The following FKBP15 variants were observed in gnomAD, a reference collection of about 807,000 sequenced individuals.
The protein encoded by FKBP15 is FK506-binding protein 15.
Under a neutral mutation model 158.1 loss-of-function variants are expected in FKBP15, and 106 were observed. The ratio of observed to expected loss-of-function variants is 0.67; its 90% CI spans 0.57 to 0.79. The LOEUF is 0.79. Among genes scored for constraint, FKBP15 ranks in the 30% least tolerant of loss-of-function variants. The probability of loss-of-function intolerance (pLI) is 0.00; values close to 1 mark genes in which losing one functional copy is unlikely to be tolerated. For synonymous variants in FKBP15, 547 were observed against 548.6 expected (o/e 1.00, Z 0.04); for missense variants, 1,287 against 1,479.1 (o/e 0.87, Z 2.13).
chr9:113,184,323 A>C lies in FKBP15; in HGVS notation c.1685T>G (p.Met562Arg), dbSNP rs1830449585. The change falls in exon 17 of 28, where the codon ATG becomes AGG. Residue 562 changes from methionine (M) to arginine (R), a missense_variant. Transcript: ENST00000238256. The surrounding 1 kb of genome is among the most constrained non-coding windows in gnomAD (Gnocchi z 4.5). ...PSMSVTMETS[M>R]IMSNIQRIIQ... ...GATTCGCTGGATGTTGCTCATAATC[A>C]TGCTTGTTTCCATTGTAACTGACAT... The C allele has an allele frequency of 6.2e-7, 1 of 1,604,512 alleles. No homozygotes were observed. The highest frequency in any genetic ancestry group is 8.5e-7 in the Non-Finnish European group (1 of 1,175,120).
intron 13 of FKBP15, among the ~76,000 whole-genome samples, 173 bp from the exon 14 acceptor site, chr9:113,188,072 C>T (rs1453272496): frequency 1.3e-5 from 2 of 152,164 alleles, no homozygotes; most frequent in Non-Finnish European, 2.9e-5. Context: ...AAACTGGGTG[C>T]TCTCATGTGC....
chr9:113,184,763 G>T lies in FKBP15; in HGVS notation c.1540C>A (p.Gln514Lys). Residue 514 changes from glutamine (Q) to lysine (K), a missense_variant, in exon 16 of 28, where the codon CAA (glutamine) becomes AAA (lysine). By Grantham distance (53) the Gln-to-Lys change is moderately conservative (BLOSUM62 1). Coordinates refer to ENST00000238256, the MANE Select transcript of FKBP15 (RefSeq NM_015258.2). The surrounding 1 kb of genome is among the most constrained non-coding windows in gnomAD (Gnocchi z 4.5). ...GCCATTCGAATTTCAGTGTTATGTT[G>T]CCGGGCTTCAGTCATGAGAAATGAA... Reference protein sequence around the residue: ...MASFLMTEARQHNTEIRMAVS... With the variant: ...MASFLMTEARKHNTEIRMAVS... 2 of 1,607,044 alleles carry T rather than the reference G, an allele frequency of 1.2e-6. No individual in the cohort carries two copies. The highest frequency in any genetic ancestry group is 1.7e-6 in the Non-Finnish European group (2 of 1,176,588).
At chr9:113,216,128 G>GAAA (rs11330296) in intron 1 of FKBP15, among the ~76,000 whole-genome samples, 1 of 125,652 alleles carries the variant, frequency 8.0e-6, no homozygotes, top group Non-Finnish European at 1.7e-5. Context: ...AAAGCAAACC[G>GAAA]AAAAAAAAAA....
intron 1 of FKBP15, among the ~76,000 whole-genome samples, chr9:113,218,772 C>T (rs895916152): frequency 6.6e-6 from 1 of 152,118 alleles, no homozygotes; most frequent in African/African-American, 2.4e-5. Flanking sequence ...GATAATCTGT[C>T]CAAAGTCACA....
At chr9:113,194,856 T>G (rs1033595004) in intron 9 of FKBP15, among the ~76,000 whole-genome samples, 2 of 152,198 alleles carry the variant, frequency 1.3e-5, no homozygotes, top group Non-Finnish European at 2.9e-5. Flanking sequence ...AAGTCATAAA[T>G]ATCTATGCTA....
chr9:113,221,090 C>T (rs1831243761), intron 1 of FKBP15, 101 bp downstream of exon 1: 12 of 1,309,264 alleles, frequency 9.2e-6, no homozygotes, highest in Non-Finnish European at 1.1e-5. Context: ...GGGTCTCCCC[C>T]CGGAAGTTGG....
At chr9:113,209,006 C>CAAAAAAA (rs5900044) in intron 2 of FKBP15, among the ~76,000 whole-genome samples, 1 of 98,720 alleles carries the variant, frequency 1.0e-5, no homozygotes. Flanking sequence ...GACTCCATCT[C>CAAAAAAA]AAAAAAAAAA....
chr9:113,194,593 A>T (rs962628696), intron 9 of FKBP15, among the ~76,000 whole-genome samples: 1 of 152,158 alleles, frequency 6.6e-6, no homozygotes, highest in Non-Finnish European at 1.5e-5. Flanking sequence ...TCAGCCAAAA[A>T]GACAAAGGTA....
chr9:113,161,166 T>G lies in FKBP15; in HGVS notation c.*4912A>C. 4.5e-6 allele frequency: 1 copy of G among 220,158 alleles called. No individual in the cohort carries two copies. The highest frequency in any genetic ancestry group is 8.8e-6 in the Non-Finnish European group (1 of 114,060). The allele number at this position is 220,158 out of a possible 1,614,324, so 13.6% of individuals were successfully genotyped here. On this transcript the variant is annotated 3_prime_UTR_variant, in exon 28 of 28. Coordinates refer to ENST00000238256, the MANE Select transcript of FKBP15 (RefSeq NM_015258.2). Reference sequence around the variant, plus strand: ...CTATTTATCTTTCCTTCCAGACATTTTTTGCATACTTACATATAAATAGGA... The same window carrying G: ...CTATTTATCTTTCCTTCCAGACATTGTTTGCATACTTACATATAAATAGGA...
Position 113,187,583 on chromosome 9 carries a change from T to C in FKBP15, c.1383+210A>G. The C allele has an allele frequency of 7.1e-6, 4 of 561,794 alleles. No homozygotes were observed. In the South Asian group the frequency reaches 8.5e-5, roughly 12 times the overall value. 34.8% of individuals were successfully genotyped at this position (561,794 alleles called of 1,614,324 possible). A position where few individuals can be genotyped will look rare whatever the true frequency, so the allele number is the denominator to read the frequency against. On this transcript the variant is annotated intron_variant, in intron 14 of 27. Coordinates refer to ENST00000238256, the MANE Select transcript of FKBP15 (RefSeq NM_015258.2). ...ACTACGTTGTACTAGGGGCTCTACT[T>C]GTTCTTGCATTTAATCTTTATGACA...
chr9:113,190,703 A>G (rs1393688591), intron 11 of FKBP15, 125 bp from the exon 12 acceptor site: 4 of 675,196 alleles, frequency 5.9e-6, no homozygotes, highest in Non-Finnish European at 7.7e-6. Context: ...ATTTAAAAAC[A>G]TTTCCTCTAG....
chr9:113,220,026 G>A (rs776027598), intron 1 of FKBP15, among the ~76,000 whole-genome samples: 2 of 152,180 alleles, frequency 1.3e-5, no homozygotes, highest in Non-Finnish European at 1.5e-5. Flanking sequence ...AAGAAGGCCA[G>A]TGTCATTTTA....
In FKBP15 at chr9:113,194,055, G is replaced by T. The variant is rs1216510438; in HGVS notation, c.979C>A (p.Pro327Thr). The change falls in exon 10 of 28, where the codon CCA (proline) becomes ACA (threonine). Residue 327 changes from proline to threonine, a missense_variant. By Grantham distance (38) the Pro-to-Thr change is conservative. Coordinates refer to ENST00000238256, the MANE Select transcript of FKBP15 (RefSeq NM_015258.2). ...DNLSADPVVS[P>T]PTSIPFKSGE... ...GATTTGAAAGGTATTGATGTGGGTG[G>T]TGACACAACAGGATCAGCAGAGAGG... 1 of 1,612,906 alleles carries T rather than the reference G, an allele frequency of 6.2e-7. No homozygotes were observed. Among genetic ancestry groups the T allele is most frequent in the East Asian group, 2.2e-5 (1 of 44,872 alleles).
chr9:113,209,345 GGTT>G (rs1830957004), intron 2 of FKBP15, among the ~76,000 whole-genome samples: 1 of 152,170 alleles, frequency 6.6e-6, no homozygotes, highest in Non-Finnish European at 1.5e-5. Flanking sequence ...TGGGAACTAA[GGTT>G]GTTTCTTTTT....
chr9:113,199,059 A>G, intron 7 of FKBP15, 136 bp from the exon 8 acceptor site: 1 of 618,048 alleles, frequency 1.6e-6, no homozygotes. Flanking sequence ...ATAGTTTCTA[A>G]AGGACCTGAA....
chr9:113,206,623 T>A, intron 3 of FKBP15, 45 bp from the exon 4 acceptor site: 1 of 1,480,962 alleles, frequency 6.8e-7, no homozygotes, highest in Non-Finnish European at 9.4e-7. Context: ...TTCCCTAAAT[T>A]CTGCAGAACC....
In FKBP15 at chr9:113,161,703, A is replaced by G; in HGVS notation, c.*4375T>C. The G allele has an allele frequency of 6.2e-7, 1 of 1,613,458 alleles. No homozygotes were observed. The highest frequency in any genetic ancestry group is 8.5e-7 in the Non-Finnish European group (1 of 1,179,550). On this transcript the variant is annotated 3_prime_UTR_variant, in exon 28 of 28. Transcript: ENST00000238256. ...TGTTGGCAGAACCCACCACAGGTACAGGCAGTGGGTATGGGAAAGGGGCAG... is the reference window on the plus strand; with the variant it reads ...TGTTGGCAGAACCCACCACAGGTACGGGCAGTGGGTATGGGAAAGGGGCAG...
intron 1 of FKBP15, among the ~76,000 whole-genome samples, chr9:113,213,236 C>T (rs1232932836): frequency 1.3e-5 from 2 of 152,076 alleles, no homozygotes; most frequent in East Asian, 1.9e-4. Context: ...TGGTGAAACC[C>T]TATCTCTACT....
In FKBP15 at chr9:113,183,808, C is replaced by G; in HGVS notation, c.1754G>C (p.Ser585Thr). 6.2e-7 allele frequency: 1 copy of G among 1,613,542 alleles called. No individual in the cohort carries two copies. Among genetic ancestry groups the G allele is most frequent in the South Asian group, 1.1e-5 (1 of 91,044 alleles). The change falls in exon 18 of 28, where the codon AGC (serine) becomes ACC (threonine). Residue 585 changes from serine (S) to threonine (T), a missense_variant. Ser to Thr is a moderately conservative substitution (Grantham distance 58). Transcript: ENST00000238256. ...ERLKQEILEK[S>T]NRIEEQNDKI... ...GTCATTCTGTTCTTCTATCCGATTG[C>G]TCTTTTCAAGGATCTCTTGCTTCAA...
Sources: gnomAD v4.1 joint callset for allele counts (sites outside exome capture counted in the v4.1 genomes callset) on GRCh38, gnomAD v4.1.1 for gene constraint, Gnocchi (gnomAD v3.1) non-coding constraint, MANE v1.5 for transcripts, NCBI Gene and HGNC (gene_info 2026-07-23, HGNC 2026-07-21) for gene names.